CAB39L: variants seen among roughly 807,000 people sequenced by gnomAD.
CAB39L encodes the protein calcium-binding protein 39-like.
CAB39L carries 23 observed loss-of-function variants against 39.1 expected under a neutral mutation model. That is an observed-to-expected ratio of 0.59 (90% CI 0.42 to 0.83). The LOEUF (loss-of-function observed/expected upper bound fraction) is 0.83, where lower values mean the gene tolerates loss of function less well. Ranked by LOEUF, CAB39L falls within the 40% of genes least tolerant of loss-of-function variation. The pLI is 0.00. For missense variants in CAB39L, 366 were observed against 391.9 expected (o/e 0.93, Z 0.56); for synonymous variants, 126 against 137.2 (o/e 0.92, Z 0.57).
At chr13:49,340,815 T>C (rs907793356) in intron 8 of CAB39L, among the ~76,000 whole-genome samples, 13 of 152,188 alleles carry the variant, frequency 8.5e-5, no homozygotes, top group Non-Finnish European at 1.5e-4. Flanking sequence ...GCTAAAGAAA[T>C]ATCAGCTGAA....
chr13:49,346,209 G>T (rs542895341), intron 7 of CAB39L, among the ~76,000 whole-genome samples: 159 of 139,468 alleles, frequency 1.1e-3, no homozygotes, highest in East Asian at 4.4e-4. Context: ...TTGATACATG[G>T]ATATACCCTC....
At chr13:49,336,118 T>A (rs573610352) in intron 9 of CAB39L, among the ~76,000 whole-genome samples, 5 of 147,232 alleles carry the variant, frequency 3.4e-5, no homozygotes, top group East Asian at 1.9e-4. Flanking sequence ...TTCCAGAATG[T>A]TTTTCTAGCA....
Position 49,346,670 on chromosome 13 carries a change from T to G in CAB39L, c.565-2432A>C, listed in dbSNP as rs532055130. Among the ~76,000 whole-genome samples the G allele has an allele frequency of 2.6e-4, 40 of 152,314 alleles. No homozygotes were observed. In the South Asian group the frequency reaches 6.8e-3, roughly 26 times the overall value. On this transcript the variant is annotated intron_variant, in intron 7 of 10. Transcript: ENST00000409308. ...CTGCCGTTTAGAGGGCTGACTGTGC[T>G]GGGGAGTGTACCGAGCACTTTGCAA...
chr13:49,399,761 T>G (rs1042122408), intron 3 of CAB39L, among the ~76,000 whole-genome samples: 9 of 152,082 alleles, frequency 5.9e-5, no homozygotes, highest in Middle Eastern at 3.2e-3. Flanking sequence ...AATAAAAAAT[T>G]ATTCTGAAGA....
chr13:49,364,513 C>A (rs942396084), intron 5 of CAB39L, among the ~76,000 whole-genome samples: 1 of 152,082 alleles, frequency 6.6e-6, no homozygotes, highest in Non-Finnish European at 1.5e-5. Context: ...TCCTTGTTTG[C>A]AGATGATAAA....
chr13:49,418,361 T>A (rs141142796), intron 3 of CAB39L, among the ~76,000 whole-genome samples: 1 of 152,166 alleles, frequency 6.6e-6, no homozygotes, highest in Non-Finnish European at 1.5e-5. Context: ...TTCATAGTTG[T>A]CTAGAGTTAG....
At chr13:49,418,685 C>A (rs1204369114) in intron 3 of CAB39L, among the ~76,000 whole-genome samples, 1 of 152,156 alleles carries the variant, frequency 6.6e-6, no homozygotes, top group Non-Finnish European at 1.5e-5. Context: ...TCTTCTGCCT[C>A]CTGAGTAGCT....
At chr13:49,398,423 T>C (rs960685602) in intron 3 of CAB39L, among the ~76,000 whole-genome samples, 6 of 152,102 alleles carry the variant, frequency 3.9e-5, no homozygotes, top group African/African-American at 1.4e-4. Flanking sequence ...TATGTGCATG[T>C]AAACACAGTC....
rs189959489 is a variant in CAB39L, at chr13:49,330,242, C to T, written c.834+1705G>A. On this transcript the variant is annotated intron_variant, in intron 10 of 10. Coordinates refer to ENST00000409308, the MANE Select transcript of CAB39L (RefSeq NM_001079670.3). ...TTGCCCCTAAAATTCAAAGTAGTTG[C>T]GTTGGATGGGAATCTGGCCACTTTC... is the stretch of plus-strand genomic sequence containing the variant. 6.6e-5 allele frequency among the ~76,000 whole-genome samples: 10 copies of T among 152,256 alleles called. No individual in the cohort carries two copies. The South Asian group carries it at 1.2e-3, about 19-fold the overall frequency.
At chr13:49,437,402 C>A (rs1317760545) in intron 1 of CAB39L, among the ~76,000 whole-genome samples, 1 of 152,174 alleles carries the variant, frequency 6.6e-6, no homozygotes, top group Non-Finnish European at 1.5e-5. Context: ...GGTGACCCTT[C>A]CAAGGCACCC....
At chr13:49,371,389 C>T (rs765031873) in intron 5 of CAB39L, among the ~76,000 whole-genome samples, 1 of 152,130 alleles carries the variant, frequency 6.6e-6, no homozygotes, top group Non-Finnish European at 1.5e-5. Flanking sequence ...AGGGTTTTGC[C>T]ACGTTGGCGA....
At chr13:49,426,492 T>G (rs1354343218) in intron 3 of CAB39L, among the ~76,000 whole-genome samples, 1 of 152,158 alleles carries the variant, frequency 6.6e-6, no homozygotes, top group Non-Finnish European at 1.5e-5. Context: ...AGTGGCATGA[T>G]CTCAGCTCAC....
At position 49,332,182 on chromosome 13, in the gene CAB39L, TG is replaced by T. The variant is rs1954721037; in HGVS notation, c.691-93del. 4 of 1,438,474 alleles carry T rather than the reference TG, an allele frequency of 2.8e-6. No individual in the cohort carries two copies. In the South Asian group the frequency reaches 5.2e-5, roughly 19 times the overall value. 89.1% of individuals were successfully genotyped at this position (1,438,474 alleles called of 1,614,324 possible). On this transcript the variant is annotated intron_variant, in intron 9 of 10. Coordinates refer to ENST00000409308, the MANE Select transcript of CAB39L (RefSeq NM_001079670.3). ...TTCTCACTGAAAAACAAAATATAAA[TG>T]TGAGTAAGAATGGTGTTGTGAAAAA...
At chr13:49,437,885 A>G (rs1477044436) in intron 1 of CAB39L, among the ~76,000 whole-genome samples, 4 of 152,142 alleles carry the variant, frequency 2.6e-5, no homozygotes, top group Admixed American at 2.6e-4. Flanking sequence ...CAGTGGCGCA[A>G]TCACAGCTCA....
chr13:49,371,402 C>T (rs1955914540), intron 5 of CAB39L, among the ~76,000 whole-genome samples: 1 of 152,224 alleles, frequency 6.6e-6, no homozygotes, highest in South Asian at 2.1e-4. Context: ...GTTGGCGAGG[C>T]TGGTCTCGAA....
chr13:49,435,644 G>A (rs1419152331), intron 1 of CAB39L, among the ~76,000 whole-genome samples: 1 of 152,076 alleles, frequency 6.6e-6, no homozygotes. Flanking sequence ...GGGATTATAG[G>A]TGCTCACCAT....
At chr13:49,437,631 T>C (rs777516663) in intron 1 of CAB39L, among the ~76,000 whole-genome samples, 1 of 152,192 alleles carries the variant, frequency 6.6e-6, no homozygotes, top group African/African-American at 2.4e-5. Flanking sequence ...CACTTCTCCA[T>C]GGATTCTGCT....
intron 3 of CAB39L, among the ~76,000 whole-genome samples, chr13:49,427,230 A>G (rs917272603): frequency 2.6e-5 from 4 of 152,202 alleles, no homozygotes; most frequent in Non-Finnish European, 5.9e-5. Flanking sequence ...GTTTCTAAAA[A>G]GATTCTCCCA....
intron 6 of CAB39L, among the ~76,000 whole-genome samples, chr13:49,352,457 C>A (rs191260118): frequency 0.011 from 1,642 of 145,802 alleles, 31 homozygotes; most frequent in African/African-American, 0.039. Flanking sequence ...GGGCCCCCTC[C>A]AAAAAAAAAA....
Sources: allele counts gnomAD v4.1 joint callset (sites outside exome capture counted in the v4.1 genomes callset), GRCh38; gene constraint gnomAD v4.1.1; transcripts MANE v1.5; gene names NCBI Gene and HGNC (gene_info 2026-07-23, HGNC 2026-07-21).